KIAA1217: variants seen among roughly 807,000 people sequenced by gnomAD.
KIAA1217 encodes the protein sickle tail protein homolog.
KIAA1217 carries 88 observed loss-of-function variants against 163.9 expected under a neutral mutation model. The ratio of observed to expected loss-of-function variants is 0.54; its 90% confidence interval spans 0.45 to 0.64. The LOEUF (loss-of-function observed/expected upper bound fraction) is 0.64. KIAA1217 is among the 30% of genes least tolerant of loss of function. The pLI, the probability that KIAA1217 is intolerant of heterozygous loss-of-function variation, is 0.00. For missense variants in KIAA1217, 2,372 were observed against 2,475.0 expected, an observed-to-expected ratio of 0.96 and a Z score of 0.88; for synonymous variants, 903 against 923.1, an observed-to-expected ratio of 0.98 and a Z score of 0.39.
At chr10:24,291,031 T>C (rs1470565898) in intron 2 of KIAA1217, among the ~76,000 whole-genome samples, 1 of 152,212 alleles carries the variant, frequency 6.6e-6, no homozygotes, top group Non-Finnish European at 1.5e-5. Context: ...TGAGTTGTTC[T>C]GTGTGAATAA....
intron 1 of KIAA1217, among the ~76,000 whole-genome samples, chr10:23,908,226 A>G (rs955899475): frequency 2.0e-5 from 3 of 152,154 alleles, no homozygotes; most frequent in South Asian, 2.1e-4. Context: ...GGACTGGGTC[A>G]TGTAGGGGTA....
intron 1 of KIAA1217, among the ~76,000 whole-genome samples, chr10:23,730,703 A>G (rs1439633611): frequency 6.6e-6 from 1 of 152,114 alleles, no homozygotes. Flanking sequence ...TAGATCTTGT[A>G]TATATTTTGT....
intron 16 of KIAA1217, among the ~76,000 whole-genome samples, chr10:24,535,384 G>A (rs2073852576): frequency 1.3e-5 from 2 of 152,154 alleles, no homozygotes; most frequent in African/African-American, 4.8e-5. Flanking sequence ...ACTGAGGGAG[G>A]ACATACATTA....
chr10:24,205,301 A>C (rs11013960), upstream of KIAA1217, among the ~76,000 whole-genome samples: 1 of 115,732 alleles, frequency 8.6e-6, no homozygotes, highest in African/African-American at 3.4e-5. Context: ...TACTAAAAAT[A>C]CAAAAAAAAA....
rs893724579 is a variant in KIAA1217 at position 24,342,076 on chromosome 10, C to T, written c.355-38793C>T. Among the ~76,000 whole-genome samples, 4 of 152,066 alleles carry T rather than the reference C, an allele frequency of 2.6e-5. No homozygotes were observed. In the East Asian group the frequency reaches 5.8e-4, roughly 22 times the overall value. Reference sequence around the variant, plus strand: ...CACTGTGGCCTTTGCAGCCAGAGGGCTTGTTTTAGAAGTACAGTACACTGT... The same window carrying T: ...CACTGTGGCCTTTGCAGCCAGAGGGTTTGTTTTAGAAGTACAGTACACTGT... On this transcript the variant is annotated intron_variant, in intron 2 of 20. Coordinates refer to ENST00000376454, the MANE Select transcript of KIAA1217 (RefSeq NM_019590.5).
intron 2 of KIAA1217, among the ~76,000 whole-genome samples, chr10:24,260,951 A>G (rs1344553145): frequency 1.3e-5 from 2 of 152,178 alleles, no homozygotes; most frequent in Non-Finnish European, 2.9e-5. Flanking sequence ...AGGTGACATA[A>G]TAATGGGTTC....
chr10:24,269,187 T>C (rs1261917228), intron 2 of KIAA1217, among the ~76,000 whole-genome samples: 1 of 138,822 alleles, frequency 7.2e-6, no homozygotes, highest in Non-Finnish European at 1.5e-5. Flanking sequence ...TGTGCACATG[T>C]ACCCTAAAAG....
intron 17 of KIAA1217, 145 bp from the exon 18 acceptor site, chr10:24,542,541 AGGTAAAC>A: frequency 6.8e-7 from 1 of 1,466,078 alleles, no homozygotes; most frequent in Admixed American, 2.5e-5. Context: ...AAGCAATCCA[AGGTAAAC>A]AGCTGTAGGC....
chr10:24,546,214 C>T lies in KIAA1217; in HGVS notation c.5722C>T (p.Gln1908Ter). 1.2e-6 allele frequency: 2 copies of T among 1,614,196 alleles called. No homozygotes were observed. Among genetic ancestry groups the T allele is most frequent in the Non-Finnish European group, 1.7e-6 (2 of 1,180,038 alleles). Residue 1908 changes from glutamine (Q) to a stop codon, truncating the protein, a stop_gained, in exon 21 of 21, where the codon CAA becomes TAA. Coordinates refer to ENST00000376454, the MANE Select transcript of KIAA1217 (RefSeq NM_019590.5). LOFTEE classifies it high-confidence loss of function. Reference protein sequence around the residue: ...PSPASSVSLNQGAKGTRTIHT... With the variant: ...PSPASSVSLN Reference sequence around the variant, plus strand: ...TCCTGCCTCCTCCGTCTCACTGAATCAAGGTGCCAAGGGCACCAGGACCAT... The same window carrying T: ...TCCTGCCTCCTCCGTCTCACTGAATTAAGGTGCCAAGGGCACCAGGACCAT...
chr10:24,461,712 G>C (rs1261041509), intron 5 of KIAA1217, among the ~76,000 whole-genome samples: 1 of 152,106 alleles, frequency 6.6e-6, no homozygotes, highest in South Asian at 2.1e-4. Flanking sequence ...ATTTAGGTAT[G>C]TTATATCATC....
rs187133192 is a variant in KIAA1217, at chr10:24,481,359, C to A, written c.1679+7299C>A. 3.9e-5 allele frequency: 6 copies of A among 152,290 alleles called. No homozygotes were observed. The East Asian group carries it at 9.7e-4, about 25-fold the overall frequency. The allele number at this position is 152,290 out of a possible 1,614,324, so 9.4% of individuals were successfully genotyped here. On this transcript the variant is annotated intron_variant, in intron 6 of 20. Coordinates refer to ENST00000376454, the MANE Select transcript of KIAA1217 (RefSeq NM_019590.5). ...ACAACCACAATCATTGAATTTCACA[C>A]GTGATATTTCTTTTGGCTTTGGTGA... is the stretch of plus-strand genomic sequence containing the variant.
chr10:23,974,637 T>C (rs1845461673), intron 1 of KIAA1217, among the ~76,000 whole-genome samples: 1 of 152,022 alleles, frequency 6.6e-6, no homozygotes, highest in Admixed American at 6.5e-5. Context: ...TCCTGGGCAA[T>C]ATAGTGACAC....
At chr10:23,975,309 C>T (rs1589167942) in intron 1 of KIAA1217, among the ~76,000 whole-genome samples, 1 of 152,010 alleles carries the variant, frequency 6.6e-6, no homozygotes, top group African/African-American at 2.4e-5. Context: ...AGTGAGATCT[C>T]GTTTCAGGGA....
chr10:24,100,196 T>G (rs1376703092), intron 2 of KIAA1217, among the ~76,000 whole-genome samples: 1 of 152,058 alleles, frequency 6.6e-6, no homozygotes, highest in African/African-American at 2.4e-5. Flanking sequence ...AGGCTGCTAT[T>G]ATGTTAGTTA....
chr10:23,844,611 T>C (rs1337641999), intron 1 of KIAA1217, among the ~76,000 whole-genome samples: 1 of 152,208 alleles, frequency 6.6e-6, no homozygotes, highest in Non-Finnish European at 1.5e-5. Flanking sequence ...TGGTTTTCTC[T>C]ATCTCTTTTG....
chr10:24,501,565 G>A lies in KIAA1217; in HGVS notation c.2001+20G>A, dbSNP rs758248088. Reference sequence around the variant, plus strand: ...CTCCAGGTATTCCTCATGCACGGCGGCCTCTGTCTCGGTTGCCCTGAGCTC... The same window carrying A: ...CTCCAGGTATTCCTCATGCACGGCGACCTCTGTCTCGGTTGCCCTGAGCTC... On this transcript the variant is annotated intron_variant, in intron 9 of 20. Transcript: ENST00000376454. 1.2e-5 allele frequency: 20 copies of A among 1,603,652 alleles called. No homozygotes were observed. The highest frequency in any genetic ancestry group is 1.6e-5 in the Non-Finnish European group (19 of 1,175,416).
chr10:23,741,179 C>A (rs1307595170), intron 1 of KIAA1217, among the ~76,000 whole-genome samples: 2 of 151,992 alleles, frequency 1.3e-5, no homozygotes, highest in African/African-American at 4.8e-5. Flanking sequence ...TCTGGATTGG[C>A]AAAAGTTATT....
intron 2 of KIAA1217, among the ~76,000 whole-genome samples, chr10:24,039,473 T>C (rs7083537): frequency 0.096 from 14,602 of 152,086 alleles, 1,431 homozygotes; most frequent in African/African-American, 0.25. Context: ...CACACCCCCT[T>C]GTCAGCCACA....
intron 2 of KIAA1217, among the ~76,000 whole-genome samples, chr10:24,279,238 T>A (rs1260292650): frequency 7.1e-4 from 1 of 1,406 alleles, no homozygotes; most frequent in East Asian, 4.2e-3. Context: ...CTAGTGTCTG[T>A]TTTTTTTTTT....
Sources: gnomAD v4.1 joint callset for allele counts (sites outside exome capture counted in the v4.1 genomes callset) on GRCh38, gnomAD v4.1.1 for gene constraint, MANE v1.5 for transcripts, NCBI Gene and HGNC (gene_info 2026-07-23, HGNC 2026-07-21) for gene names.